The following ABLIM1 variants were observed in gnomAD, a reference collection of about 807,000 sequenced individuals.
The protein encoded by ABLIM1 is actin-binding LIM protein 1.
A neutral mutation model predicts 107.0 loss-of-function variants in ABLIM1; 40 were observed. The observed-to-expected ratio is 0.37, with a 90% CI of 0.29 to 0.49. ABLIM1 has a LOEUF of 0.49. ABLIM1 is among the 20% of genes least tolerant of loss of function. The pLI, the probability that ABLIM1 is intolerant of heterozygous loss-of-function variation, is 0.97. For synonymous variants in ABLIM1, 357 were observed against 357.3 expected, an observed-to-expected ratio of 1.00 and a Z score of 0.01; for missense variants, 857 against 1,008.5, an observed-to-expected ratio of 0.85 and a Z score of 2.04.
chr10:114,685,975 A>G (rs1310225238), upstream of ABLIM1, among the ~76,000 whole-genome samples: 1 of 152,214 alleles, frequency 6.6e-6, no homozygotes, highest in Non-Finnish European at 1.5e-5. Context: ...GAAGAAACCA[A>G]GTACAGAGCT....
At chr10:114,614,306 G>A (rs1262464045) in intron 1 of ABLIM1, among the ~76,000 whole-genome samples, 1 of 151,990 alleles carries the variant, frequency 6.6e-6, no homozygotes, top group Non-Finnish European at 1.5e-5. Flanking sequence ...ACAAAAATTA[G>A]CCAGGTGTGA....
intron 6 of ABLIM1, among the ~76,000 whole-genome samples, chr10:114,496,276 G>A (rs2059655156): frequency 6.6e-6 from 1 of 152,190 alleles, no homozygotes; most frequent in Admixed American, 6.5e-5. Context: ...TAAATCATTA[G>A]TAAAAACACT....
rs549919699 is a variant in ABLIM1 at position 114,447,918 on chromosome 10, G to A, written c.1697C>T (p.Thr566Met). The A allele has an allele frequency of 4.0e-5, 64 of 1,614,132 alleles. No homozygotes were observed. Among genetic ancestry groups the A allele is most frequent in the African/African-American group, 1.7e-4 (13 of 75,034 alleles). The change falls in exon 15 of 23, where the codon ACG (threonine) becomes ATG (methionine). Residue 566 changes from threonine (T) to methionine (M), a missense_variant. Transcript: ENST00000533213. ...PDPSETPKIE[T>M]DHWPGPPSFA... ...TGAGGGGGGACCAGGCCAGTGGTCC[G>A]TCTCAATCTTTGGTGTCTCGCTGGG...
At chr10:114,537,388 C>G (rs545559789) in intron 6 of ABLIM1, among the ~76,000 whole-genome samples, 2 of 152,238 alleles carry the variant, frequency 1.3e-5, no homozygotes, top group African/African-American at 4.8e-5. Flanking sequence ...ATCTCTGTCT[C>G]CCAGCTACTT....
chr10:114,594,530 A>T (rs1445775195), intron 2 of ABLIM1, among the ~76,000 whole-genome samples: 2 of 152,300 alleles, frequency 1.3e-5, no homozygotes, highest in East Asian at 3.9e-4. Flanking sequence ...CAGGTGGATC[A>T]CCTGAGGTCA....
chr10:114,447,809 T>A, intron 15 of ABLIM1, 71 bp downstream of exon 15: 2 of 1,579,920 alleles, frequency 1.3e-6, no homozygotes, highest in Non-Finnish European at 8.6e-7. Flanking sequence ...TTTTCTTTCA[T>A]GTTTTTAAGC....
chr10:114,771,069 A>G (rs1451624084), upstream of ABLIM1, among the ~76,000 whole-genome samples: 1 of 152,182 alleles, frequency 6.6e-6, no homozygotes, highest in Non-Finnish European at 1.5e-5. Flanking sequence ...GGCCTCAGGC[A>G]AACTGCCCGC....
chr10:114,616,207 A>G (rs1210142914), intron 1 of ABLIM1, among the ~76,000 whole-genome samples: 1 of 152,084 alleles, frequency 6.6e-6, no homozygotes, highest in African/African-American at 2.4e-5. Context: ...AGAAACAAAT[A>G]TGCTTATAAT....
chr10:114,482,191 C>T (rs931501893), intron 8 of ABLIM1, among the ~76,000 whole-genome samples: 1 of 152,112 alleles, frequency 6.6e-6, no homozygotes, highest in African/African-American at 2.4e-5. Context: ...TACCTGTAGA[C>T]AAAATTTGCT....
chr10:114,604,420 G>C (rs1262136780), intron 1 of ABLIM1, among the ~76,000 whole-genome samples: 5 of 152,190 alleles, frequency 3.3e-5, no homozygotes, highest in Non-Finnish European at 5.9e-5. Context: ...CTTGTAAAGG[G>C]GACACACGTA....
intron 1 of ABLIM1, among the ~76,000 whole-genome samples, chr10:114,698,727 G>T (rs1463603427): frequency 6.6e-6 from 1 of 152,180 alleles, no homozygotes; most frequent in Non-Finnish European, 1.5e-5. Flanking sequence ...AGGCTTGGCA[G>T]TCACTGTGAA....
intron 1 of ABLIM1, among the ~76,000 whole-genome samples, chr10:114,690,963 C>T (rs1378494246): frequency 6.6e-6 from 1 of 152,190 alleles, no homozygotes; most frequent in Non-Finnish European, 1.5e-5. Context: ...ATTACAGGTG[C>T]GAGCCACCTC....
At chr10:114,774,097 G>C in the ABLIM1 span, among the ~76,000 whole-genome samples, 1 of 151,948 alleles carries the variant, frequency 6.6e-6, no homozygotes, top group Non-Finnish European at 1.5e-5. Context: ...GTATTAGAAA[G>C]ACACCCTTAA....
intron 1 of ABLIM1, among the ~76,000 whole-genome samples, chr10:114,711,512 A>C (rs879748090): frequency 6.6e-6 from 1 of 152,178 alleles, no homozygotes; most frequent in Non-Finnish European, 1.5e-5. Flanking sequence ...CTAAACCTGC[A>C]TATCAGCCAG....
intron 1 of ABLIM1, among the ~76,000 whole-genome samples, chr10:114,729,978 C>G (rs2142141373): frequency 6.6e-6 from 1 of 152,270 alleles, no homozygotes; most frequent in South Asian, 2.1e-4. Flanking sequence ...CCAAAAACTC[C>G]TTTACTTTTC....
intron 6 of ABLIM1, among the ~76,000 whole-genome samples, chr10:114,529,129 T>C (rs2065182808): frequency 6.7e-6 from 1 of 150,372 alleles, no homozygotes; most frequent in African/African-American, 2.4e-5. Flanking sequence ...TCATCCTCTT[T>C]TTTTTTTTTT....
intron 2 of ABLIM1, among the ~76,000 whole-genome samples, chr10:114,577,115 T>C (rs1054150837): frequency 6.6e-6 from 1 of 152,190 alleles, no homozygotes; most frequent in African/African-American, 2.4e-5. Flanking sequence ...AGTGTTTTCT[T>C]CAATATCTGT....
At chr10:114,642,630 T>C (rs1591707217) in intron 1 of ABLIM1, among the ~76,000 whole-genome samples, 1 of 152,198 alleles carries the variant, frequency 6.6e-6, no homozygotes, top group African/African-American at 2.4e-5. Context: ...TATTCAAAGA[T>C]TAAATACACA....
At chr10:114,496,807 T>C (rs1006934653) in intron 6 of ABLIM1, among the ~76,000 whole-genome samples, 1 of 152,112 alleles carries the variant, frequency 6.6e-6, no homozygotes, top group Non-Finnish European at 1.5e-5. Flanking sequence ...CAAAAGGCAT[T>C]GAGGAGTCGT....
Sources: gnomAD v4.1 joint callset for allele counts (sites outside exome capture counted in the v4.1 genomes callset) on GRCh38, gnomAD v4.1.1 for gene constraint, MANE v1.5 for transcripts, NCBI Gene and HGNC (gene_info 2026-07-23, HGNC 2026-07-21) for gene names.